Variants in TLE4 observed in about 807,000 individuals in gnomAD.
TLE4 encodes the protein TLE family member 4, transcriptional corepressor, also known as transducin-like enhancer protein 4.
TLE4 carries 8 observed loss-of-function variants against 92.8 expected under a neutral mutation model. The ratio of observed to expected loss-of-function variants is 0.09; its 90% CI spans 0.05 to 0.16. The LOEUF is 0.16. Among genes scored for constraint, TLE4 ranks in the 10% least tolerant of loss-of-function variants. The pLI is 1.00. For synonymous variants in TLE4, 371 were observed against 374.1 expected (o/e 0.99, Z 0.10); for missense variants, 675 against 997.6 (o/e 0.68, Z 4.36).
intron 5 of TLE4, among the ~76,000 whole-genome samples, chr9:79,622,813 T>C (rs917593252): frequency 2.6e-5 from 4 of 152,182 alleles, no homozygotes; most frequent in Non-Finnish European, 5.9e-5. Flanking sequence ...CATTTCCTCC[T>C]AAAACTTCTT....
intron 8 of TLE4, among the ~76,000 whole-genome samples, chr9:79,655,016 C>T (rs1025292324): frequency 3.3e-5 from 5 of 152,166 alleles, no homozygotes; most frequent in African/African-American, 1.2e-4. Context: ...GTGGCTTGCG[C>T]CTGTAGCCCC....
rs2072372394 is a variant in TLE4, at chr9:79,708,660, T to C, written c.1137T>C (p.His379=). The C allele has an allele frequency of 6.2e-7, 1 of 1,614,104 alleles. No individual in the cohort carries two copies. ...PYPTPFGIVP[H]AGMNGELTSP... Reference sequence around the variant, plus strand: ...CAACTCCATTTGGGATTGTGCCCCATGCTGGAATGAACGGAGAGCTGACCA... The same window carrying C: ...CAACTCCATTTGGGATTGTGCCCCACGCTGGAATGAACGGAGAGCTGACCA... Residue 379 remains histidine (H), a synonymous_variant, in exon 13 of 20, where the codon CAT becomes CAC. Transcript: ENST00000376552.
Position 79,726,829 on chromosome 9 carries a change from A to G in TLE4, c.*1685A>G, listed in dbSNP as rs2076410887. 6.6e-6 allele frequency: 1 copy of G among 152,450 alleles called. No homozygotes were observed. The highest frequency in any genetic ancestry group is 2.4e-5 in the African/African-American group (1 of 41,398). 9.4% of individuals were successfully genotyped at this position (152,450 alleles called of 1,614,324 possible). On this transcript the variant is annotated 3_prime_UTR_variant, in exon 20 of 20. Coordinates refer to ENST00000376552, the MANE Select transcript of TLE4 (RefSeq NM_007005.6). ...CCACTCCTATATATTAAAAATGCCT[A>G]GTTTTTTCAAGGGAGATTGTTGTTA...
At chr9:79,622,249 T>C (rs535619782) in intron 5 of TLE4, among the ~76,000 whole-genome samples, 26 of 152,282 alleles carry the variant, frequency 1.7e-4, no homozygotes, top group South Asian at 1.7e-3. Context: ...CTTTCCACTT[T>C]AAAGTGTTCT....
At chr9:79,628,364 C>T (rs759539748) in intron 6 of TLE4, among the ~76,000 whole-genome samples, 5 of 151,108 alleles carry the variant, frequency 3.3e-5, no homozygotes, top group African/African-American at 1.2e-4. Context: ...CTAATTATTT[C>T]GTTTACTTTC....
chr9:79,688,479 A>G (rs1169417262), intron 8 of TLE4, among the ~76,000 whole-genome samples: 1 of 152,162 alleles, frequency 6.6e-6, no homozygotes, highest in East Asian at 1.9e-4. Context: ...GGATTGCAGT[A>G]TAGATAGCAT....
intron 8 of TLE4, among the ~76,000 whole-genome samples, chr9:79,704,046 A>AAAAC (rs961905708): frequency 2.6e-5 from 4 of 152,140 alleles, no homozygotes; most frequent in Non-Finnish European, 4.4e-5. Context: ...AAAACAAAAC[A>AAAAC]AAACAAACAA....
intron 8 of TLE4, among the ~76,000 whole-genome samples, chr9:79,695,351 TCA>T (rs554165411): frequency 8.7e-5 from 4 of 45,914 alleles, no homozygotes; most frequent in South Asian, 1.4e-3. Context: ...AATGCATATC[TCA>T]CACACACACA....
At chr9:79,702,212 G>A (rs1214039588) in intron 8 of TLE4, among the ~76,000 whole-genome samples, 2 of 152,128 alleles carry the variant, frequency 1.3e-5, no homozygotes, top group African/African-American at 4.8e-5. Context: ...TGAGGACTTT[G>A]GAAAACAGCC....
chr9:79,592,227 CTT>C (rs113873593), intron 4 of TLE4, among the ~76,000 whole-genome samples: 2,269 of 91,334 alleles, frequency 0.025, 62 homozygotes, highest in African/African-American at 0.1. Context: ...TCTTCTTCTT[CTT>C]CTTCTTCCTT....
intron 14 of TLE4, among the ~76,000 whole-genome samples, chr9:79,711,660 A>G (rs1025126402): frequency 9.9e-5 from 15 of 152,214 alleles, no homozygotes; most frequent in African/African-American, 3.6e-4. Flanking sequence ...ACCTTGGCTA[A>G]GGGATTTGGA....
At chr9:79,652,538 G>A in intron 6 of TLE4, 55 bp from the exon 7 acceptor site, 1 of 1,590,526 alleles carries the variant, frequency 6.3e-7, no homozygotes, top group Non-Finnish European at 8.6e-7. Flanking sequence ...TTCTCTTGGG[G>A]CAGGGGTTGG....
At chr9:79,644,219 A>G (rs2057700687) in intron 6 of TLE4, among the ~76,000 whole-genome samples, 1 of 152,030 alleles carries the variant, frequency 6.6e-6, no homozygotes, top group African/African-American at 2.4e-5. Context: ...CTCGGCTCTC[A>G]TGCTTCTGCT....
At chr9:79,693,448 C>G (rs181190934) in intron 8 of TLE4, among the ~76,000 whole-genome samples, 12 of 152,236 alleles carry the variant, frequency 7.9e-5, no homozygotes, top group Non-Finnish European at 1.5e-4. Flanking sequence ...TTTGTTTAAT[C>G]CCATGCTCCT....
intron 9 of TLE4, among the ~76,000 whole-genome samples, chr9:79,705,207 T>C (rs1416557380): frequency 1.3e-5 from 2 of 152,232 alleles, no homozygotes; most frequent in Non-Finnish European, 2.9e-5. Flanking sequence ...TTTCTGTGGT[T>C]AGCTGGAATT....
intron 4 of TLE4, among the ~76,000 whole-genome samples, chr9:79,592,131 CTTCT>C (rs1274880501): frequency 6.6e-6 from 1 of 150,874 alleles, no homozygotes; most frequent in African/African-American, 2.4e-5. Context: ...CTTCTTTCTT[CTTCT>C]TTCTTCTTTC....
chr9:79,681,811 A>C (rs944602512), intron 8 of TLE4, among the ~76,000 whole-genome samples: 3 of 144,830 alleles, frequency 2.1e-5, no homozygotes, highest in Non-Finnish European at 4.5e-5. Flanking sequence ...AGACAGAGAG[A>C]GAGAGAGAGA....
At chr9:79,712,575 G>A (rs2073593648) in intron 14 of TLE4, among the ~76,000 whole-genome samples, 1 of 152,192 alleles carries the variant, frequency 6.6e-6, no homozygotes, top group Admixed American at 6.5e-5. Flanking sequence ...ATGTGTCTCT[G>A]TTCTAATTAT....
intron 8 of TLE4, among the ~76,000 whole-genome samples, chr9:79,692,604 T>G (rs1288106615): frequency 4.6e-5 from 7 of 152,122 alleles, no homozygotes; most frequent in Non-Finnish European, 1.0e-4. Context: ...ATAAACTGGG[T>G]AGCTTAAGTA....
Sources: allele counts gnomAD v4.1 joint callset (sites outside exome capture counted in the v4.1 genomes callset), GRCh38; gene constraint gnomAD v4.1.1; transcripts MANE v1.5; gene names NCBI Gene and HGNC (gene_info 2026-07-23, HGNC 2026-07-21).